The following RAD23A variants were observed in gnomAD, a reference collection of about 807,000 sequenced individuals.
RAD23A encodes the protein lysine-specific demethylase RAD23A.
In RAD23A, 16 loss-of-function variants were observed where a neutral mutation model predicts 44.8. The observed-to-expected ratio is 0.36, with a 90% CI of 0.24 to 0.54. The LOEUF is 0.54. Among genes scored for constraint, RAD23A ranks in the 20% least tolerant of loss-of-function variants. The probability of loss-of-function intolerance (pLI) is 0.89; values close to 1 mark genes in which losing one functional copy is unlikely to be tolerated. For synonymous variants in RAD23A, 217 were observed against 202.9 expected (o/e 1.07, Z -0.59); for missense variants, 380 against 483.3 (o/e 0.79, Z 2.00).
intron 1 of RAD23A, 88 bp downstream of exon 1, chr19:12,946,108 G>A: frequency 1.5e-6 from 2 of 1,313,192 alleles, no homozygotes; most frequent in Non-Finnish European, 2.1e-6. Flanking sequence ...AACGGGAGGG[G>A]CAGGGAGGAC....
In RAD23A at chr19:12,948,836, CG is replaced by C; in HGVS notation, c.600+27del. The stretch of plus-strand genomic sequence containing the variant: ...ACGGTGAGGTGGGGCTTCCGCCTCC[CG>C]GGGAGGCCTTGAGGGAGTACCCGGG... On this transcript the variant is annotated intron_variant, in intron 5 of 8. Transcript: ENST00000586534. This position sits in a 1 kb window ranked among gnomAD's most constrained non-coding sequence, Gnocchi z 5.5. 1.3e-6 allele frequency: 2 copies of C among 1,582,550 alleles called. No homozygotes were observed. The highest frequency in any genetic ancestry group is 1.7e-6 in the Non-Finnish European group (2 of 1,168,280).
chr19:12,948,567 C>T lies in RAD23A; in HGVS notation c.472+15C>T, dbSNP rs1215548500. On this transcript the variant is annotated intron_variant, in intron 4 of 8. Transcript: ENST00000586534. This position sits in a 1 kb window ranked among gnomAD's most constrained non-coding sequence, Gnocchi z 5.5. ...CTCCACGCTAGGTGGGTGGGTGGTC[C>T]CCAGGGCAGAGGTGACTGGGTGCCC... 3 of 1,588,090 alleles carry T rather than the reference C, an allele frequency of 1.9e-6. No homozygotes were observed. The highest frequency in any genetic ancestry group is 2.6e-6 in the Non-Finnish European group (3 of 1,166,788).
Position 12,948,444 on chromosome 19 carries a change from G to A in RAD23A, c.417-53G>A. 2 of 1,550,476 alleles carry A rather than the reference G, an allele frequency of 1.3e-6. No individual in the cohort carries two copies. Among genetic ancestry groups the A allele is most frequent in the East Asian group, 4.5e-5 (2 of 44,348 alleles). ...CATAAGTGGTCCCACACACCTGGAG[G>A]GAGGGCAAGCCGCCAGAAGCCAGGG... On this transcript the variant is annotated intron_variant, in intron 3 of 8. Coordinates refer to ENST00000586534, the MANE Select transcript of RAD23A (RefSeq NM_005053.4). The surrounding 1 kb of genome is among the most constrained non-coding windows in gnomAD (Gnocchi z 5.5).
In RAD23A at chr19:12,947,968, C is replaced by G; in HGVS notation, c.193C>G (p.Arg65Gly). Residue 65 changes from arginine to glycine, a missense_variant, in exon 2 of 9, where the codon CGC (arginine) becomes GGC (glycine). Physicochemically the swap from Arg to Gly is moderately radical, Grantham distance 125. Transcript: ENST00000586534. The part of the protein sequence containing the change: ...LSDDVPIRDY[R>G]IDEKNFVVVM... The stretch of plus-strand genomic sequence containing the variant: ...TGACGATGTCCCTATCAGGGACTAT[C>G]GCATCGATGAGAAGAACTTTGTGGT... The G allele has an allele frequency of 6.2e-7, 1 of 1,613,862 alleles. No homozygotes were observed. The highest frequency in any genetic ancestry group is 8.5e-7 in the Non-Finnish European group (1 of 1,180,002).
intron 7 of RAD23A, 164 bp from the exon 8 acceptor site, chr19:12,952,525 C>T (rs1971841583): frequency 3.8e-6 from 3 of 782,622 alleles, no homozygotes; most frequent in Non-Finnish European, 4.0e-6. Context: ...ACATCATCAG[C>T]TCTTCCAGGG....
At position 12,948,186 on chromosome 19, in the gene RAD23A, G is replaced by A. The variant is rs199689360; in HGVS notation, c.244G>A (p.Gly82Ser). The change falls in exon 3 of 9, where the codon GGC (glycine) becomes AGC (serine). Residue 82 changes from glycine (G) to serine (S), a missense_variant. This residue lies in a region of RAD23A where 279 missense variants were observed against 313.7 expected (regional missense o/e 0.89). Coordinates refer to ENST00000586534, the MANE Select transcript of RAD23A (RefSeq NM_005053.4). This position sits in a 1 kb window ranked among gnomAD's most constrained non-coding sequence, Gnocchi z 5.5. ...TTTCTTGCTGTTGCAGACCAAAGCC[G>A]GCCAGGGTACCTCAGCACCCCCAGA... ...VVVMVTKTKA[G>S]QGTSAPPEAS... 20 of 1,613,984 alleles carry A rather than the reference G, an allele frequency of 1.2e-5. No individual in the cohort carries two copies. Among genetic ancestry groups the A allele is most frequent in the African/African-American group, 4.0e-5 (3 of 74,974 alleles).
chr19:12,952,638 G>A (rs747449872), intron 7 of RAD23A, 51 bp from the exon 8 acceptor site: 41 of 1,542,528 alleles, frequency 2.7e-5, no homozygotes, highest in East Asian at 9.0e-5. Flanking sequence ...CCTGGGGAGA[G>A]GAGGGGACCA....
rs1971716152 is a variant in RAD23A at position 12,948,249 on chromosome 19, T to C, written c.307T>C (p.Phe103Leu). Residue 103 changes from phenylalanine to leucine, a missense_variant, in exon 3 of 9, where the codon TTC becomes CTC. Phe to Leu is a conservative substitution (Grantham distance 22). Transcript: ENST00000586534. The surrounding 1 kb of genome is among the most constrained non-coding windows in gnomAD (Gnocchi z 5.5). ...PTAAPESSTS[F>L]PPAPTSGMSH... ...AGCTGCCCCAGAGTCCTCTACATCC[T>C]TCCCGCCTGCCCCCACCTCAGGCAT... 1.2e-6 allele frequency: 2 copies of C among 1,613,830 alleles called. No individual in the cohort carries two copies. Among genetic ancestry groups the C allele is most frequent in the Admixed American group, 1.7e-5 (1 of 59,966 alleles).
Position 12,949,149 on chromosome 19 carries a change from C to T in RAD23A, c.669C>T (p.Ala223=). 1 of 1,614,046 alleles carries T rather than the reference C, an allele frequency of 6.2e-7. No individual in the cohort carries two copies. The highest frequency in any genetic ancestry group is 2.2e-5 in the East Asian group (1 of 44,876). The change falls in exon 6 of 9, where the codon GCC becomes GCT. Residue 223 remains alanine, a synonymous_variant. Coordinates refer to ENST00000586534, the MANE Select transcript of RAD23A (RefSeq NM_005053.4). ...AGAGCCAGGTATCGGAGCAGCCGGC[C>T]ACGGAAGCAGGTGGGTGTGCACATG... The part of the protein sequence containing the change: ...VQESQVSEQP[A]TEAAGENPLE...
chr19:12,953,396 A>AG lies in RAD23A; in HGVS notation c.*349dup, dbSNP rs1971868902. On this transcript the variant is annotated 3_prime_UTR_variant, in exon 9 of 9. Transcript: ENST00000586534. ...CTCTCCATCCTCCGAAAAACCCCTGAGGACCCCCCCCCATCCTCTTCTAGG... is the reference window on the plus strand; with the variant it reads ...CTCTCCATCCTCCGAAAAACCCCTGAGGGACCCCCCCCCATCCTCTTCTAGG... 1 of 170,158 alleles carries AG rather than the reference A, an allele frequency of 5.9e-6. No individual in the cohort carries two copies. The highest frequency in any genetic ancestry group is 2.4e-5 in the African/African-American group (1 of 41,906). The allele number at this position is 170,158 out of a possible 1,614,324, so 10.5% of individuals were successfully genotyped here. A position where few individuals can be genotyped will look rare whatever the true frequency, so the allele number is the denominator to read the frequency against.
Position 12,952,916 on chromosome 19 carries a change from C to T in RAD23A, c.979-20C>T, listed in dbSNP as rs756549560. On this transcript the variant is annotated intron_variant, in intron 8 of 8. Coordinates refer to ENST00000586534, the MANE Select transcript of RAD23A (RefSeq NM_005053.4). Reference sequence around the variant, plus strand: ...GGACCCCTACCCTCTCCTGCTCACACTTAACCTATCTTCCCACAGTTGAAG... The same window carrying T: ...GGACCCCTACCCTCTCCTGCTCACATTTAACCTATCTTCCCACAGTTGAAG... 1.9e-6 allele frequency: 3 copies of T among 1,613,438 alleles called. No individual in the cohort carries two copies. In the South Asian group the frequency reaches 3.3e-5, roughly 18 times the overall value.
intron 1 of RAD23A, among the ~76,000 whole-genome samples, chr19:12,946,483 G>C (rs1971677889): frequency 6.6e-6 from 1 of 152,186 alleles, no homozygotes; most frequent in Non-Finnish European, 1.5e-5. Context: ...TATAATTTTG[G>C]TGGTCCGTGT....
At position 12,948,185 on chromosome 19, in the gene RAD23A, C is replaced by T. The variant is rs527707600; in HGVS notation, c.243C>T (p.Ala81=). The change falls in exon 3 of 9, where the codon GCC becomes GCT. Residue 81 remains alanine, a synonymous_variant. Transcript: ENST00000586534. The surrounding 1 kb of genome is among the most constrained non-coding windows in gnomAD (Gnocchi z 5.5). ...FVVVMVTKTK[A]GQGTSAPPEA... ...TTTTCTTGCTGTTGCAGACCAAAGC[C>T]GGCCAGGGTACCTCAGCACCCCCAG... The T allele has an allele frequency of 1.9e-5, 30 of 1,614,062 alleles. No homozygotes were observed. The highest frequency in any genetic ancestry group is 1.7e-4 in the Middle Eastern group (1 of 6,060).
In RAD23A at chr19:12,947,737, A is replaced by G. The variant is rs1599666817; in HGVS notation, c.73-111A>G. 4 of 1,035,876 alleles carry G rather than the reference A, an allele frequency of 3.9e-6. No individual in the cohort carries two copies. The East Asian group carries it at 9.6e-5, about 25-fold the overall frequency. The allele number at this position is 1,035,876 out of a possible 1,614,324, so 64.2% of individuals were successfully genotyped here. On this transcript the variant is annotated intron_variant, in intron 1 of 8. Coordinates refer to ENST00000586534, the MANE Select transcript of RAD23A (RefSeq NM_005053.4). ...TTTAGATGCTGAGAAAGCTTAAAAA[A>G]CCCAGCGTGCTTGCCTTTCTGCCAT... is the stretch of plus-strand genomic sequence containing the variant.
chr19:12,953,232 C>G lies in RAD23A; in HGVS notation c.*183C>G. On this transcript the variant is annotated 3_prime_UTR_variant, in exon 9 of 9. Coordinates refer to ENST00000586534, the MANE Select transcript of RAD23A (RefSeq NM_005053.4). ...TAAAGTGGCCCCTGTTCCCATCTCC[C>G]GGGCCAGACAGCTGTCCCCCCGTCC... 2.2e-6 allele frequency: 1 copy of G among 451,470 alleles called. No individual in the cohort carries two copies. The highest frequency in any genetic ancestry group is 4.6e-5 in the South Asian group (1 of 21,970). The allele number at this position is 451,470 out of a possible 1,614,324, so 28.0% of individuals were successfully genotyped here.
rs1159333238 is a variant in RAD23A, at chr19:12,953,354, GA to G, written c.*308del. 3.2e-5 allele frequency: 7 copies of G among 216,800 alleles called. No homozygotes were observed. Among genetic ancestry groups the G allele is most frequent in the Non-Finnish European group, 2.7e-5 (3 of 112,138 alleles). 13.4% of individuals were successfully genotyped at this position (216,800 alleles called of 1,614,324 possible). ...TGTCCCAGCTCTCTGCAGCCAGACG[GA>G]AAGGCGGCTGCTTGCCTCTCCATCC... On this transcript the variant is annotated 3_prime_UTR_variant, in exon 9 of 9. Coordinates refer to ENST00000586534, the MANE Select transcript of RAD23A (RefSeq NM_005053.4).
intron 1 of RAD23A, among the ~76,000 whole-genome samples, chr19:12,946,829 CA>C: frequency 6.6e-6 from 1 of 152,276 alleles, no homozygotes; most frequent in Non-Finnish European, 1.5e-5. Flanking sequence ...GAAAAGGAAA[CA>C]CACATTTTTT....
intron 5 of RAD23A, 35 bp from the exon 6 acceptor site, chr19:12,949,046 G>A (rs1416831982): frequency 2.6e-5 from 42 of 1,596,552 alleles, no homozygotes; most frequent in East Asian, 1.6e-4. Context: ...GCAGCAGGAG[G>A]TCTGTGCATT....
At position 12,948,614 on chromosome 19, in the gene RAD23A, C is replaced by T; in HGVS notation, c.472+62C>T. 8.2e-6 allele frequency: 13 copies of T among 1,577,576 alleles called. No homozygotes were observed. Among genetic ancestry groups the T allele is most frequent in the Non-Finnish European group, 9.5e-6 (11 of 1,161,532 alleles). On this transcript the variant is annotated intron_variant, in intron 4 of 8. Coordinates refer to ENST00000586534, the MANE Select transcript of RAD23A (RefSeq NM_005053.4). This position sits in a 1 kb window ranked among gnomAD's most constrained non-coding sequence, Gnocchi z 5.5. Reference sequence around the variant, plus strand: ...GCCCCAGCCATCAGCTGGGCCTTGTCTGGGTGCGGGAGGGCCTGGGAGCTG... The same window carrying T: ...GCCCCAGCCATCAGCTGGGCCTTGTTTGGGTGCGGGAGGGCCTGGGAGCTG...
Sources: gnomAD v4.1 joint callset for allele counts (sites outside exome capture counted in the v4.1 genomes callset) on GRCh38, gnomAD v4.1.1 for gene constraint, gnomAD v4.1.1 regional missense constraint, Gnocchi (gnomAD v3.1) non-coding constraint, MANE v1.5 for transcripts, NCBI Gene and HGNC (gene_info 2026-07-23, HGNC 2026-07-21) for gene names.